PSD3: variants seen among roughly 807,000 people sequenced by gnomAD.
The protein encoded by PSD3 is PH and SEC7 domain-containing protein 3.
Under a neutral mutation model 105.5 loss-of-function variants are expected in PSD3, and 49 were observed. The observed-to-expected ratio is 0.46, with a 90% CI of 0.37 to 0.59. The LOEUF is 0.59. PSD3 is among the 20% of genes least tolerant of loss of function. PSD3 has a pLI of 0.00. For synonymous variants in PSD3, 557 were observed against 457.8 expected, an observed-to-expected ratio of 1.22 and a Z score of -2.77; for missense variants, 1,561 against 1,263.8, an observed-to-expected ratio of 1.24 and a Z score of -3.57.
chr8:18,626,399 C>T (rs1220346639), intron 11 of PSD3, among the ~76,000 whole-genome samples: 1 of 152,070 alleles, frequency 6.6e-6, no homozygotes, highest in East Asian at 1.9e-4. Context: ...ATCAGAGCAC[C>T]TGGCCAGGTT....
chr8:18,666,914 C>G (rs574173768), intron 9 of PSD3, among the ~76,000 whole-genome samples: 1 of 152,302 alleles, frequency 6.6e-6, no homozygotes, highest in Admixed American at 6.5e-5. Context: ...GTCTCACTGA[C>G]TTCCCTCGCG....
chr8:19,018,297 A>G (rs1008679573), upstream of PSD3, among the ~76,000 whole-genome samples: 1 of 152,132 alleles, frequency 6.6e-6, no homozygotes, highest in Non-Finnish European at 1.5e-5. Context: ...TCTTTCATAT[A>G]TAACTGTAGG....
At chr8:18,568,292 C>T (rs1801918462) in intron 14 of PSD3, among the ~76,000 whole-genome samples, 2 of 143,682 alleles carry the variant, frequency 1.4e-5, no homozygotes, top group South Asian at 2.3e-4. Context: ...CTTTTCCCCC[C>T]TTTCTTGGCA....
In PSD3 at chr8:18,594,299, A is replaced by AT. The variant is rs1461887945; in HGVS notation, c.2481+6064_2481+6065insA. On this transcript the variant is annotated intron_variant, in intron 12 of 15. Coordinates refer to ENST00000327040, the MANE Select transcript of PSD3 (RefSeq NM_015310.4). ...ATATTATATAATATATATTATATAT[A>AT]ATAATATATATTATTATATATAATA... is the stretch of plus-strand genomic sequence containing the variant. 4.3e-3 allele frequency among the ~76,000 whole-genome samples: 54 copies of AT among 12,494 alleles called. 9 individuals carry two copies. The highest frequency in any genetic ancestry group is 4.2e-3 in the Non-Finnish European group (26 of 6,148). 8.2% of individuals were successfully genotyped at this position (12,494 alleles called of 152,430 possible). A position where few individuals can be genotyped will look rare whatever the true frequency, so the allele number is the denominator to read the frequency against.
chr8:18,673,430 T>C (rs1477666988), intron 9 of PSD3, among the ~76,000 whole-genome samples: 1 of 152,232 alleles, frequency 6.6e-6, no homozygotes, highest in African/African-American at 2.4e-5. Context: ...TGTTGTTTAC[T>C]CAGTTTTCTA....
rs140638413 is a variant in PSD3, at chr8:18,796,692, G to C, written c.2082+2603C>G. ...GGGAGTCAGACCTCCTCATAGGGGA[G>C]TCACCCCTCCCCTACTGAAAGCATA... On this transcript the variant is annotated intron_variant, in intron 8 of 15. Transcript: ENST00000327040. Among the ~76,000 whole-genome samples, 208 of 152,264 alleles carry C rather than the reference G, an allele frequency of 1.4e-3. 5 individuals carry two copies. Among genetic ancestry groups the C allele is most frequent in the East Asian group, 0.01 (54 of 5,180 alleles).
chr8:18,963,996 T>G (rs1824089502), intron 1 of PSD3, among the ~76,000 whole-genome samples: 1 of 152,240 alleles, frequency 6.6e-6, no homozygotes, highest in Admixed American at 6.5e-5. Context: ...AATGTCTTAG[T>G]AAGAAGACAG....
At chr8:18,875,067 C>T (rs1817641443) in intron 2 of PSD3, among the ~76,000 whole-genome samples, 1 of 152,160 alleles carries the variant, frequency 6.6e-6, no homozygotes, top group Non-Finnish European at 1.5e-5. Context: ...AACAGGCATG[C>T]ACCATCATGT....
chr8:18,572,929 A>G (rs1802231305), intron 13 of PSD3, among the ~76,000 whole-genome samples: 1 of 152,220 alleles, frequency 6.6e-6, no homozygotes, highest in Non-Finnish European at 1.5e-5. Context: ...ACTTGACAAT[A>G]AATATTGATT....
intron 15 of PSD3, among the ~76,000 whole-genome samples, chr8:18,537,806 G>A (rs534724299): frequency 6.6e-6 from 1 of 152,158 alleles, no homozygotes; most frequent in East Asian, 1.9e-4. Context: ...CCTCCCAAGT[G>A]TCTAGGATTA....
chr8:18,764,127 C>A lies in PSD3; in HGVS notation c.2172+1322G>T, dbSNP rs560398508. 1.9e-3 allele frequency among the ~76,000 whole-genome samples: 291 copies of A among 152,262 alleles called. 1 individual carries two copies. The highest frequency in any genetic ancestry group is 3.6e-3 in the Non-Finnish European group (248 of 68,024). On this transcript the variant is annotated intron_variant, in intron 9 of 15. Transcript: ENST00000327040. ...GTCATGCAGGTTACCATAAGCCTAC[C>A]ACTAAATTCTAAAAGCTTCACTATG...
At chr8:18,774,894 G>T in intron 8 of PSD3, 4 of 456,166 alleles carry the variant, frequency 8.8e-6, no homozygotes, top group South Asian at 6.2e-5. Flanking sequence ...TTGCCTCAAA[G>T]ATCCTGAGCC....
rs376929201 is a variant in PSD3 at position 18,607,484 on chromosome 8, C to T, written c.2411-7050G>A. On this transcript the variant is annotated intron_variant, in intron 11 of 15. Coordinates refer to ENST00000327040, the MANE Select transcript of PSD3 (RefSeq NM_015310.4). ...CACCTTCCTCTCACCTCCTATGAACCGGCAGCACTTGTTTCTCCATAGCAC... is the reference window on the plus strand; with the variant it reads ...CACCTTCCTCTCACCTCCTATGAACTGGCAGCACTTGTTTCTCCATAGCAC... Among the ~76,000 whole-genome samples the T allele has an allele frequency of 1.1e-4, 17 of 152,102 alleles. No individual in the cohort carries two copies. In the East Asian group the frequency reaches 2.1e-3, roughly 19 times the overall value.
At chr8:18,552,188 C>A (rs995915465) in intron 15 of PSD3, among the ~76,000 whole-genome samples, 1 of 152,202 alleles carries the variant, frequency 6.6e-6, no homozygotes, top group African/African-American at 2.4e-5. Context: ...ACCTGACCTT[C>A]AGCAATTCCC....
At chr8:18,936,864 T>C (rs1287685882) in intron 1 of PSD3, among the ~76,000 whole-genome samples, 1 of 152,208 alleles carries the variant, frequency 6.6e-6, no homozygotes, top group East Asian at 1.9e-4. Context: ...GTGGCTTCTG[T>C]TAAAGTACAC....
intron 8 of PSD3, among the ~76,000 whole-genome samples, chr8:18,768,716 C>T (rs1807239887): frequency 6.6e-6 from 1 of 152,206 alleles, no homozygotes; most frequent in Admixed American, 6.5e-5. Context: ...TCCCCTTTCC[C>T]AGCCACCCTT....
At chr8:18,629,293 C>A (rs1434983349) in intron 11 of PSD3, among the ~76,000 whole-genome samples, 1 of 151,890 alleles carries the variant, frequency 6.6e-6, no homozygotes, top group Non-Finnish European at 1.5e-5. Context: ...TTAGAAATTT[C>A]TTAAAAAGTT....
intron 15 of PSD3, among the ~76,000 whole-genome samples, chr8:18,549,024 C>A (rs1271417451): frequency 6.6e-6 from 1 of 152,180 alleles, no homozygotes; most frequent in African/African-American, 2.4e-5. Context: ...GAGCCAGACA[C>A]TCACTCATTA....
intron 8 of PSD3, among the ~76,000 whole-genome samples, chr8:18,765,742 G>A (rs539092524): frequency 9.2e-5 from 14 of 152,028 alleles, no homozygotes; most frequent in Non-Finnish European, 1.5e-4. Context: ...CTGGCTAACC[G>A]GGCTATGTTT....
Sources: gnomAD v4.1 joint callset for allele counts (sites outside exome capture counted in the v4.1 genomes callset) on GRCh38, gnomAD v4.1.1 for gene constraint, MANE v1.5 for transcripts, NCBI Gene and HGNC (gene_info 2026-07-23, HGNC 2026-07-21) for gene names.